The following TNKS2 variants were observed in gnomAD, a reference collection of about 807,000 sequenced individuals.
TNKS2 encodes tankyrase 2, also known as poly [ADP-ribose] polymerase tankyrase-2.
A neutral mutation model predicts 137.6 loss-of-function variants in TNKS2; 72 were observed. The observed-to-expected ratio is 0.52, with a 90% CI of 0.43 to 0.64. The LOEUF is 0.64. TNKS2 is among the 30% of genes least tolerant of loss of function. The pLI is 0.00. For missense variants in TNKS2, 1,049 were observed against 1,410.2 expected (o/e 0.74, Z 4.10); for synonymous variants, 516 against 512.1 (o/e 1.01, Z -0.10).
intron 1 of TNKS2, among the ~76,000 whole-genome samples, chr10:91,806,520 G>C (rs948577957): frequency 2.0e-5 from 3 of 152,170 alleles, no homozygotes; most frequent in African/African-American, 4.8e-5. Flanking sequence ...TGCTGCTTCT[G>C]ATCACTGAAA....
chr10:91,832,205 G>A (rs556077107), intron 11 of TNKS2, among the ~76,000 whole-genome samples: 9 of 152,086 alleles, frequency 5.9e-5, no homozygotes, highest in Admixed American at 4.6e-4. Flanking sequence ...TGACTGCTTG[G>A]CATATCTTGT....
rs113738194 is a variant in TNKS2, at chr10:91,852,671, C to T, written c.2815+1335C>T. Among the ~76,000 whole-genome samples the T allele has an allele frequency of 5.7e-3, 862 of 152,324 alleles. 9 individuals carry two copies. Among genetic ancestry groups the T allele is most frequent in the African/African-American group, 0.019 (798 of 41,566 alleles). ...GGGTCAAAAATATCCAATAATTGAA[C>T]GTCCTGGCTGTACACCTGGGGTTAA... On this transcript the variant is annotated intron_variant, in intron 21 of 26. Coordinates refer to ENST00000371627, the MANE Select transcript of TNKS2 (RefSeq NM_025235.4).
intron 1 of TNKS2, among the ~76,000 whole-genome samples, chr10:91,804,978 G>T (rs1844279087): frequency 1.3e-5 from 2 of 152,084 alleles, no homozygotes; most frequent in Non-Finnish European, 2.9e-5. Context: ...TGGCTATGGT[G>T]GTCTCGAATT....
chr10:91,802,550 C>G (rs1372216564), intron 1 of TNKS2, among the ~76,000 whole-genome samples: 1 of 152,172 alleles, frequency 6.6e-6, no homozygotes, highest in African/African-American at 2.4e-5. Flanking sequence ...CCTAGTTCGA[C>G]CAACAGGTTA....
chr10:91,819,465 C>A lies in TNKS2; in HGVS notation c.558-17C>A. The A allele has an allele frequency of 6.4e-7, 1 of 1,556,396 alleles. No individual in the cohort carries two copies. The highest frequency in any genetic ancestry group is 2.1e-5 in the Admixed American group (1 of 48,280). ...TGATGAAGAATGCAAATTACTAATA[C>A]TTTTTTTGTATTCTAGGAGTGGCAA... On this transcript the variant is annotated splice_polypyrimidine_tract_variant and intron_variant, in intron 4 of 26. Transcript: ENST00000371627.
In TNKS2 at chr10:91,855,130, T is replaced by G; in HGVS notation, c.2913+4T>G. ...GTTTCAGTCTGTGGAGGAAGAGGTA[T>G]GTTCATATAACTTCAATAGTAGGTT... On this transcript the variant is annotated splice_donor_region_variant and intron_variant, in intron 22 of 26. Coordinates refer to ENST00000371627, the MANE Select transcript of TNKS2 (RefSeq NM_025235.4). The G allele has an allele frequency of 6.4e-7, 1 of 1,566,804 alleles. No homozygotes were observed. The highest frequency in any genetic ancestry group is 8.8e-7 in the Non-Finnish European group (1 of 1,137,814).
Position 91,859,654 on chromosome 10 carries a change from A to C in TNKS2, c.3281+6A>C. 1 of 1,607,554 alleles carries C rather than the reference A, an allele frequency of 6.2e-7. No individual in the cohort carries two copies. The highest frequency in any genetic ancestry group is 8.5e-7 in the Non-Finnish European group (1 of 1,177,168). On this transcript the variant is annotated splice_donor_region_variant and intron_variant, in intron 25 of 26. Coordinates refer to ENST00000371627, the MANE Select transcript of TNKS2 (RefSeq NM_025235.4). ...TCTTGTTACATTTGCCACAGGTAAG[A>C]GATCACTTGTTCTCATTTATTTTGG...
intron 14 of TNKS2, 65 bp from the exon 15 acceptor site, chr10:91,841,218 A>G (rs752170903): frequency 2.0e-5 from 26 of 1,295,204 alleles, no homozygotes; most frequent in Admixed American, 1.3e-4. Context: ...TTCATCAGTT[A>G]TATGTAATTA....
At chr10:91,841,502 G>T in intron 15 of TNKS2, 54 bp downstream of exon 15, 2 of 1,378,802 alleles carry the variant, frequency 1.5e-6, no homozygotes, top group East Asian at 2.6e-5. Flanking sequence ...ATATGTTTAT[G>T]GTTTTCTAAA....
At position 91,842,404 on chromosome 10, in the gene TNKS2, A is replaced by G; in HGVS notation, c.2059+13A>G. ...TTACATTTAGCAGGTAAGTGAATGA[A>G]GTTTCACAGATTTAGGCTGGTAATA... On this transcript the variant is annotated intron_variant, in intron 16 of 26. Coordinates refer to ENST00000371627, the MANE Select transcript of TNKS2 (RefSeq NM_025235.4). 1 of 1,609,924 alleles carries G rather than the reference A, an allele frequency of 6.2e-7. No homozygotes were observed. The highest frequency in any genetic ancestry group is 8.5e-7 in the Non-Finnish European group (1 of 1,176,354).
chr10:91,823,594 T>A lies in TNKS2; in HGVS notation c.795+1232T>A, dbSNP rs1844976787. On this transcript the variant is annotated intron_variant, in intron 7 of 26. Transcript: ENST00000371627. ...TGCCTGCCTCAGCCTCCCAAAGTGC[T>A]GAGATTAACAGACGTGAGCCACCAC... Among the ~76,000 whole-genome samples the A allele has an allele frequency of 3.9e-5, 6 of 152,264 alleles. No individual in the cohort carries two copies. In the South Asian group the frequency reaches 1.2e-3, roughly 32 times the overall value.
chr10:91,808,853 A>G (rs969434741), intron 1 of TNKS2, among the ~76,000 whole-genome samples: 3 of 152,210 alleles, frequency 2.0e-5, no homozygotes, highest in Non-Finnish European at 4.4e-5. Flanking sequence ...AGAGGAAGCA[A>G]TAAGCCCTCA....
At chr10:91,805,699 T>C (rs1300248658) in intron 1 of TNKS2, among the ~76,000 whole-genome samples, 1 of 152,254 alleles carries the variant, frequency 6.6e-6, no homozygotes, top group Non-Finnish European at 1.5e-5. Context: ...ATATGCTTAT[T>C]ACTGCTGAAG....
intron 23 of TNKS2, among the ~76,000 whole-genome samples, chr10:91,856,171 G>C (rs913520810): frequency 2.6e-5 from 4 of 151,980 alleles, no homozygotes; most frequent in Middle Eastern, 3.4e-3. Flanking sequence ...AAAATGTTTT[G>C]AGTCATTTAG....
chr10:91,818,391 A>G (rs922995226), intron 3 of TNKS2, among the ~76,000 whole-genome samples: 11 of 146,712 alleles, frequency 7.5e-5, no homozygotes, highest in Admixed American at 4.7e-4. Context: ...TAAACATGAT[A>G]TTAGTGTCAA....
intron 8 of TNKS2, among the ~76,000 whole-genome samples, 192 bp downstream of exon 8, chr10:91,827,395 T>C (rs899989632): frequency 6.6e-6 from 1 of 152,234 alleles, no homozygotes; most frequent in African/African-American, 2.4e-5. Context: ...AATATGTTTG[T>C]ATTAATTTTT....
In TNKS2 at chr10:91,798,485, C is replaced by G. The variant is rs1253668253; in HGVS notation, c.-206C>G. ...GGCGGATTCGCGCTGCCTCCGCCGC[C>G]GCGGGGCAGCCGGGGGGCAGGGAGC... On this transcript the variant is annotated 5_prime_UTR_variant, in exon 1 of 27. Transcript: ENST00000371627. The G allele has an allele frequency of 2.2e-6, 1 of 463,370 alleles. No individual in the cohort carries two copies. Among genetic ancestry groups the G allele is most frequent in the Non-Finnish European group, 3.3e-6 (1 of 307,660 alleles). The allele number at this position is 463,370 out of a possible 1,614,324, so 28.7% of individuals were successfully genotyped here.
In TNKS2 at chr10:91,798,798, C is replaced by G; in HGVS notation, c.108C>G (p.Asp36Glu). ...TGTTCGAGGCGTGCCGCAACGGGGA[C>G]GTGGAACGAGTCAAGAGGCTGGTGA... is the stretch of plus-strand genomic sequence containing the variant. ...RELFEACRNG[D>E]VERVKRLVTP... The change falls in exon 1 of 27, where the codon GAC becomes GAG. Residue 36 changes from aspartate to glutamate, a missense_variant. Coordinates refer to ENST00000371627, the MANE Select transcript of TNKS2 (RefSeq NM_025235.4). 7.6e-7 allele frequency: 1 copy of G among 1,308,292 alleles called. No individual in the cohort carries two copies. Among genetic ancestry groups the G allele is most frequent in the East Asian group, 3.1e-5 (1 of 32,488 alleles). 81.0% of individuals were successfully genotyped at this position (1,308,292 alleles called of 1,614,324 possible). A position where few individuals can be genotyped will look rare whatever the true frequency, so the allele number is the denominator to read the frequency against.
In TNKS2 at chr10:91,863,705, A is replaced by T. The variant is rs1459302855; in HGVS notation, c.*706A>T. 6.6e-6 allele frequency: 1 copy of T among 152,218 alleles called. No individual in the cohort carries two copies. The highest frequency in any genetic ancestry group is 1.5e-5 in the Non-Finnish European group (1 of 68,032). The allele number at this position is 152,218 out of a possible 1,614,324, so 9.4% of individuals were successfully genotyped here. ...TTTAATTTGTGATACCTTTGTATGT[A>T]TGAGACACATTCCAAAGAGCTCTAA... On this transcript the variant is annotated 3_prime_UTR_variant, in exon 27 of 27. Transcript: ENST00000371627.
Sources: allele counts gnomAD v4.1 joint callset (sites outside exome capture counted in the v4.1 genomes callset), GRCh38; gene constraint gnomAD v4.1.1; transcripts MANE v1.5; gene names NCBI Gene and HGNC (gene_info 2026-07-23, HGNC 2026-07-21).